Variants in RGS21 observed in about 807,000 individuals in gnomAD.
RGS21 encodes the protein regulator of G-protein signalling 21.
RGS21 carries 19 observed loss-of-function variants against 18.7 expected under a neutral mutation model. The observed-to-expected ratio is 1.01, with a 90% CI of 0.71 to 1.49. The LOEUF (loss-of-function observed/expected upper bound fraction) is 1.49. Ranked by LOEUF, RGS21 falls within the 40% of genes most tolerant of loss-of-function variation. The pLI, the probability that RGS21 is intolerant of heterozygous loss-of-function variation, is 0.00. For synonymous variants in RGS21, 56 were observed against 57.8 expected (o/e 0.97, Z 0.14); for missense variants, 194 against 176.8 (o/e 1.10, Z -0.55).
intron 4 of RGS21, among the ~76,000 whole-genome samples, chr1:192,359,655 G>GTATATATATATATATATATATATATATA (rs10638712): frequency 7.2e-5 from 9 of 124,262 alleles, no homozygotes; most frequent in African/African-American, 2.4e-4. Flanking sequence ...GTGTGTGTGT[G>GTATATATATATATATATATATATATATA]TATATATATA....
intron 1 of RGS21, among the ~76,000 whole-genome samples, chr1:192,337,197 G>A (rs1451675597): frequency 1.3e-5 from 2 of 151,872 alleles, no homozygotes; most frequent in South Asian, 2.1e-4. Context: ...GAAATATTAA[G>A]AGAATCTTAG....
chr1:192,341,056 G>C (rs892340677), intron 1 of RGS21, among the ~76,000 whole-genome samples: 1 of 151,998 alleles, frequency 6.6e-6, no homozygotes, highest in Non-Finnish European at 1.5e-5. Context: ...CATGCTTCTG[G>C]AGTCTTTGAG....
At chr1:192,320,724 C>T (rs1030778992) in intron 1 of RGS21, among the ~76,000 whole-genome samples, 15 of 151,806 alleles carry the variant, frequency 9.9e-5, no homozygotes, top group Non-Finnish European at 1.2e-4. Flanking sequence ...GCTACATTAG[C>T]AGTTTCAGAA....
Position 192,359,655 on chromosome 1 carries a change from G to GTATATATATATATA in RGS21, c.256-6256_256-6243dup, listed in dbSNP as rs10638712. On this transcript the variant is annotated intron_variant, in intron 4 of 4. Coordinates refer to ENST00000417209, the MANE Select transcript of RGS21 (RefSeq NM_001039152.3). ...TATATATGTTTATATGTGTGTGTGT[G>GTATATATATATATA]TATATATATATATATATATATATTC... Among the ~76,000 whole-genome samples the GTATATATATATATA allele has an allele frequency of 2.6e-3, 321 of 124,246 alleles. 1 individual carries two copies. The highest frequency in any genetic ancestry group is 9.3e-3 in the Middle Eastern group (2 of 214). 81.5% of individuals were successfully genotyped at this position (124,246 alleles called of 152,430 possible).
At chr1:192,358,385 T>C (rs1157808798) in intron 4 of RGS21, among the ~76,000 whole-genome samples, 1 of 152,104 alleles carries the variant, frequency 6.6e-6, no homozygotes, top group Non-Finnish European at 1.5e-5. Flanking sequence ...TCAACTTTAA[T>C]AGCCACCTTT....
intron 1 of RGS21, among the ~76,000 whole-genome samples, chr1:192,327,251 G>C (rs1365529238): frequency 6.6e-6 from 1 of 151,940 alleles, no homozygotes; most frequent in Non-Finnish European, 1.5e-5. Flanking sequence ...AATAAGTGCA[G>C]TATAAAATGT....
chr1:192,348,023 T>TATATGTA (rs1491172539), intron 3 of RGS21, among the ~76,000 whole-genome samples: 12 of 139,236 alleles, frequency 8.6e-5, no homozygotes, highest in African/African-American at 2.7e-4. Context: ...TATATATGTA[T>TATATGTA]TTTTTTTTTT....
chr1:192,319,644 A>G (rs780075249), intron 1 of RGS21, among the ~76,000 whole-genome samples: 7 of 152,120 alleles, frequency 4.6e-5, no homozygotes, highest in Non-Finnish European at 8.8e-5. Flanking sequence ...AAACTTCTGA[A>G]TCTGCCAGTT....
intron 4 of RGS21, among the ~76,000 whole-genome samples, chr1:192,356,356 A>G (rs748222004): frequency 2.6e-5 from 4 of 151,836 alleles, no homozygotes; most frequent in Non-Finnish European, 5.9e-5. Flanking sequence ...TAAGTATAAC[A>G]CAATGTGTTG....
intron 1 of RGS21, among the ~76,000 whole-genome samples, chr1:192,339,007 AG>A (rs1658812310): frequency 6.6e-6 from 1 of 152,084 alleles, no homozygotes; most frequent in Admixed American, 6.6e-5. Context: ...TTTGAGTCTT[AG>A]TTTCCTCATA....
intron 2 of RGS21, 61 bp from the exon 3 acceptor site, chr1:192,347,252 T>C: frequency 1.0e-6 from 1 of 1,001,368 alleles, no homozygotes; most frequent in Non-Finnish European, 1.6e-6. Context: ...AAAATACATG[T>C]AACTCGAATA....
intron 2 of RGS21, among the ~76,000 whole-genome samples, chr1:192,343,311 T>A (rs1016442893): frequency 6.6e-6 from 1 of 152,098 alleles, no homozygotes; most frequent in Non-Finnish European, 1.5e-5. Flanking sequence ...ATGTTTTTTT[T>A]AAATTATGAG....
intron 4 of RGS21, among the ~76,000 whole-genome samples, chr1:192,360,904 C>T (rs1659179398): frequency 6.6e-6 from 1 of 151,978 alleles, no homozygotes; most frequent in Non-Finnish European, 1.5e-5. Flanking sequence ...GTTACTTTTT[C>T]AAAATCTGAT....
At chr1:192,342,659 T>C (rs1658888980) in intron 1 of RGS21, among the ~76,000 whole-genome samples, 1 of 151,546 alleles carries the variant, frequency 6.6e-6, no homozygotes, top group South Asian at 2.1e-4. Context: ...TATAAATATG[T>C]ATATTTATAA....
intron 1 of RGS21, among the ~76,000 whole-genome samples, chr1:192,330,382 C>T (rs958623020): frequency 6.6e-6 from 1 of 152,096 alleles, no homozygotes. Flanking sequence ...GTTCAGAATT[C>T]AAGAAAAGTG....
chr1:192,364,782 T>C (rs1294489279), intron 4 of RGS21, among the ~76,000 whole-genome samples: 1 of 152,130 alleles, frequency 6.6e-6, no homozygotes, highest in Non-Finnish European at 1.5e-5. Context: ...GAAAATAGAA[T>C]GATGAATAAG....
chr1:192,318,402 G>A lies in RGS21; in HGVS notation c.-61+1297G>A, dbSNP rs113200010. On this transcript the variant is annotated intron_variant, in intron 1 of 4. Coordinates refer to ENST00000417209, the MANE Select transcript of RGS21 (RefSeq NM_001039152.3). ...GACATCACAGGATCTCACCCCATCA[G>A]ACTGCCTCTAACATTCCCCCTCCTT... is the stretch of plus-strand genomic sequence containing the variant. Among the ~76,000 whole-genome samples, 550 of 152,162 alleles carry A rather than the reference G, an allele frequency of 3.6e-3. 2 individuals carry two copies. Among genetic ancestry groups the A allele is most frequent in the African/African-American group, 0.012 (519 of 41,522 alleles).
At chr1:192,360,210 A>T (rs1022264396) in intron 4 of RGS21, among the ~76,000 whole-genome samples, 1 of 151,876 alleles carries the variant, frequency 6.6e-6, no homozygotes, top group Non-Finnish European at 1.5e-5. Flanking sequence ...GCTTTCTCCA[A>T]CCCAAGTTCT....
intron 1 of RGS21, among the ~76,000 whole-genome samples, chr1:192,337,541 AC>A (rs1658789354): frequency 1.3e-5 from 2 of 152,120 alleles, no homozygotes. Flanking sequence ...TGAGGTCTTC[AC>A]CAGTCAGCAA....
Sources: gnomAD v4.1 joint callset for allele counts (sites outside exome capture counted in the v4.1 genomes callset) on GRCh38, gnomAD v4.1.1 for gene constraint, MANE v1.5 for transcripts, NCBI Gene and HGNC (gene_info 2026-07-23, HGNC 2026-07-21) for gene names.